ANO1: variants seen among roughly 807,000 people sequenced by gnomAD.
ANO1 encodes anoctamin-1.
Under a neutral mutation model 124.0 loss-of-function variants are expected in ANO1, and 59 were observed. That is an observed-to-expected ratio of 0.48 (90% CI 0.39 to 0.59). The LOEUF (loss-of-function observed/expected upper bound fraction) is 0.59, where lower values mean the gene tolerates loss of function less well. ANO1 is among the 20% of genes least tolerant of loss of function. The probability of loss-of-function intolerance (pLI) is 0.00; values close to 1 mark genes in which losing one functional copy is unlikely to be tolerated. For missense variants in ANO1, 1,059 were observed against 1,328.0 expected, an observed-to-expected ratio of 0.80 and a Z score of 3.15; for synonymous variants, 529 against 532.0, an observed-to-expected ratio of 0.99 and a Z score of 0.08.
chr11:70,156,454 C>T (rs887804357), intron 15 of ANO1, among the ~76,000 whole-genome samples: 1 of 152,216 alleles, frequency 6.6e-6, no homozygotes, highest in Non-Finnish European at 1.5e-5. Context: ...TGAGAGCCTT[C>T]AGGACATGTG....
intron 1 of ANO1, among the ~76,000 whole-genome samples, chr11:70,003,003 C>T (rs575137370): frequency 6.7e-6 from 1 of 149,104 alleles, no homozygotes; most frequent in South Asian, 2.2e-4. Context: ...CAAAAACTGT[C>T]GAGGAAAAAT....
In ANO1 at chr11:70,131,940, A is replaced by G. The variant is rs1246509498; in HGVS notation, c.1119A>G (p.Arg373=). 1.9e-6 allele frequency: 3 copies of G among 1,608,156 alleles called. No individual in the cohort carries two copies. Among genetic ancestry groups the G allele is most frequent in the Admixed American group, 1.7e-5 (1 of 59,928 alleles). Residue 373 remains arginine (R), a synonymous_variant, in exon 11 of 26, where the codon AGA becomes AGG. Coordinates refer to ENST00000355303, the MANE Select transcript of ANO1 (RefSeq NM_018043.7). ...NIPSMEMCDQ[R]HNITMCPLCD... ...GCAGCATGGAGATGTGTGACCAGAG[A>G]CACAATATCACCATGTGCCCGCTTT... is the stretch of plus-strand genomic sequence containing the variant.
intron 1 of ANO1, among the ~76,000 whole-genome samples, chr11:70,056,027 A>G (rs1312241286): frequency 2.0e-5 from 3 of 151,290 alleles, no homozygotes; most frequent in Non-Finnish European, 4.4e-5. Context: ...CTTACATTTA[A>G]TCCCCACAAG....
At position 70,116,271 on chromosome 11, in the gene ANO1, C is replaced by T. The variant is rs992911746; in HGVS notation, c.856-187C>T. On this transcript the variant is annotated intron_variant, in intron 7 of 25. Coordinates refer to ENST00000355303, the MANE Select transcript of ANO1 (RefSeq NM_018043.7). Reference sequence around the variant, plus strand: ...ACAGGGCGGCCAACAGGGACGTGCACGGCCTTTCTATCATAACGGGGGCAC... The same window carrying T: ...ACAGGGCGGCCAACAGGGACGTGCATGGCCTTTCTATCATAACGGGGGCAC... 5.9e-5 allele frequency among the ~76,000 whole-genome samples: 9 copies of T among 152,202 alleles called. No individual in the cohort carries two copies. The South Asian group carries it at 1.0e-3, about 17-fold the overall frequency.
intron 6 of ANO1, among the ~76,000 whole-genome samples, chr11:70,109,719 G>A (rs964483424): frequency 5.9e-5 from 9 of 152,172 alleles, no homozygotes; most frequent in Admixed American, 2.6e-4. Context: ...TCCCTGCAGC[G>A]TTCCTTCCAG....
chr11:69,995,666 G>A (rs114037581), intron 1 of ANO1, among the ~76,000 whole-genome samples: 204 of 152,218 alleles, frequency 1.3e-3, no homozygotes, highest in East Asian at 4.4e-3. Context: ...ATTAGTTTGA[G>A]GGAGGAAGAC....
intron 2 of ANO1, among the ~76,000 whole-genome samples, chr11:70,101,608 C>T (rs1310014395): frequency 1.5e-5 from 1 of 66,360 alleles, no homozygotes; most frequent in Non-Finnish European, 3.3e-5. Context: ...AAAAAAAAAA[C>T]TCATCCCCAA....
chr11:70,006,358 T>C (rs781847870), intron 1 of ANO1, among the ~76,000 whole-genome samples: 1 of 152,124 alleles, frequency 6.6e-6, no homozygotes, highest in Non-Finnish European at 1.5e-5. Flanking sequence ...CTCTTCCTTA[T>C]CTGAACTTGA....
chr11:70,120,704 G>C (rs1357473154), intron 8 of ANO1, among the ~76,000 whole-genome samples: 1 of 152,180 alleles, frequency 6.6e-6, no homozygotes, highest in African/African-American at 2.4e-5. Context: ...AACGGGCAAG[G>C]ACATACACCA....
At chr11:70,159,645 C>CTGCA (rs2047968008) in intron 16 of ANO1, among the ~76,000 whole-genome samples, 1 of 152,242 alleles carries the variant, frequency 6.6e-6, no homozygotes. Flanking sequence ...AGGGAGCCTG[C>CTGCA]TGCAGGGCGT....
intron 1 of ANO1, among the ~76,000 whole-genome samples, chr11:70,053,805 T>C (rs1555006527): frequency 6.6e-6 from 1 of 152,218 alleles, no homozygotes; most frequent in African/African-American, 2.4e-5. Flanking sequence ...TGGAGCTCTA[T>C]GTGCCTAGAG....
intron 2 of ANO1, among the ~76,000 whole-genome samples, chr11:70,089,929 G>A (rs567198548): frequency 6.6e-6 from 1 of 152,240 alleles, no homozygotes; most frequent in Non-Finnish European, 1.5e-5. Flanking sequence ...CTCTCTGGGA[G>A]CTGAGGCCGA....
chr11:70,053,399 A>T (rs1034404646), intron 1 of ANO1, among the ~76,000 whole-genome samples: 9 of 152,146 alleles, frequency 5.9e-5, no homozygotes, highest in Non-Finnish European at 1.2e-4. Flanking sequence ...TTAACATGCC[A>T]TTTGTTGTAG....
intron 1 of ANO1, among the ~76,000 whole-genome samples, chr11:70,018,582 G>C (rs1413444796): frequency 1.3e-5 from 2 of 152,164 alleles, no homozygotes; most frequent in South Asian, 2.1e-4. Flanking sequence ...CACCTGCCCA[G>C]ACCCTTCCAG....
chr11:70,165,840 C>G (rs917016819), intron 20 of ANO1, among the ~76,000 whole-genome samples: 1 of 151,330 alleles, frequency 6.6e-6, no homozygotes, highest in Non-Finnish European at 1.5e-5. Context: ...AAGCACAAAG[C>G]GAGACTGCAC....
chr11:70,041,549 A>C (rs1389632710), intron 1 of ANO1, among the ~76,000 whole-genome samples: 1 of 152,230 alleles, frequency 6.6e-6, no homozygotes, highest in African/African-American at 2.4e-5. Context: ...AGAAAGAACT[A>C]AACTGACTTT....
intron 8 of ANO1, among the ~76,000 whole-genome samples, chr11:70,117,933 A>G (rs1326388185): frequency 1.3e-5 from 2 of 152,202 alleles, no homozygotes; most frequent in African/African-American, 4.8e-5. Context: ...GGTTATTTTT[A>G]GTGTAACATC....
intron 2 of ANO1, among the ~76,000 whole-genome samples, chr11:70,102,237 C>T (rs2045306612): frequency 6.6e-6 from 1 of 152,204 alleles, no homozygotes; most frequent in South Asian, 2.1e-4. Flanking sequence ...AGACTGTAGG[C>T]TGTGGTGACT....
intron 1 of ANO1, among the ~76,000 whole-genome samples, chr11:70,023,887 G>C (rs1395218692): frequency 6.6e-6 from 1 of 152,184 alleles, no homozygotes; most frequent in Non-Finnish European, 1.5e-5. Flanking sequence ...TACATTTCAG[G>C]GATTTCAAGT....
Sources: allele counts gnomAD v4.1 joint callset (sites outside exome capture counted in the v4.1 genomes callset), GRCh38; gene constraint gnomAD v4.1.1; transcripts MANE v1.5; gene names NCBI Gene and HGNC (gene_info 2026-07-23, HGNC 2026-07-21).